Variants in TMEM267 observed in about 807,000 individuals in gnomAD.
TMEM267 encodes the protein transmembrane protein 267, also known as transmembrane protein C5orf28.
In TMEM267, 20 loss-of-function variants were observed where a neutral mutation model predicts 19.3. The ratio of observed to expected loss-of-function variants is 1.04; its 90% CI spans 0.73 to 1.51. TMEM267 has a LOEUF of 1.51. Among genes scored for constraint, TMEM267 ranks in the 40% most tolerant of loss-of-function variants. TMEM267 has a pLI of 0.00. For synonymous variants in TMEM267, 88 were observed against 90.3 expected (o/e 0.97, Z 0.15); for missense variants, 242 against 261.9 (o/e 0.92, Z 0.52).
intron 2 of TMEM267, among the ~76,000 whole-genome samples, chr5:43,451,471 A>C (rs1463662032): frequency 6.6e-6 from 1 of 152,218 alleles, no homozygotes; most frequent in Non-Finnish European, 1.5e-5. Flanking sequence ...AAAAGAAGAC[A>C]CAGAAGCAGC....
chr5:43,469,590 TG>T (rs1169061334), intron 1 of TMEM267, among the ~76,000 whole-genome samples: 6 of 152,304 alleles, frequency 3.9e-5, no homozygotes, highest in Admixed American at 3.9e-4. Context: ...TAAAAATAAC[TG>T]GGTATGGAAG....
At chr5:43,473,125 G>A (rs1273807311) in intron 1 of TMEM267, among the ~76,000 whole-genome samples, 5 of 123,540 alleles carry the variant, frequency 4.0e-5, no homozygotes, top group Non-Finnish European at 8.0e-5. Context: ...ACTACAGAGC[G>A]AGACTCCGTG....
intron 1 of TMEM267, among the ~76,000 whole-genome samples, chr5:43,472,995 G>A (rs532845697): frequency 1.0e-3 from 152 of 151,906 alleles, no homozygotes; most frequent in African/African-American, 3.3e-3. Context: ...AAAATTAGCC[G>A]GGTGTGGTGG....
rs1196155944 is a variant in TMEM267, at chr5:43,465,543, A to G, written c.-74-11500T>C. Among the ~76,000 whole-genome samples, 3 of 152,330 alleles carry G rather than the reference A, an allele frequency of 2.0e-5. No homozygotes were observed. In the East Asian group the frequency reaches 5.8e-4, roughly 29 times the overall value. Reference sequence around the variant, plus strand: ...TGCGGCACTATTCACAATAGCAAAGACTTGGAACCAACCCAAATGTCCAAC... The same window carrying G: ...TGCGGCACTATTCACAATAGCAAAGGCTTGGAACCAACCCAAATGTCCAAC... On this transcript the variant is annotated intron_variant, in intron 1 of 2. Transcript: ENST00000397080.
At chr5:43,465,557 C>G (rs999773439) in intron 1 of TMEM267, among the ~76,000 whole-genome samples, 14 of 152,142 alleles carry the variant, frequency 9.2e-5, no homozygotes, top group Non-Finnish European at 1.5e-4. Flanking sequence ...GGAACCAACC[C>G]AAATGTCCAA....
At chr5:43,473,296 G>A (rs1744200424) in intron 1 of TMEM267, among the ~76,000 whole-genome samples, 1 of 152,096 alleles carries the variant, frequency 6.6e-6, no homozygotes, top group Admixed American at 6.5e-5. Context: ...TATTCAATTA[G>A]GGAAAGAGGA....
At chr5:43,463,318 G>C (rs1298034584) in intron 1 of TMEM267, among the ~76,000 whole-genome samples, 4 of 152,094 alleles carry the variant, frequency 2.6e-5, no homozygotes, top group Non-Finnish European at 5.9e-5. Flanking sequence ...ACCAAAAAAG[G>C]TCCAGGACCA....
chr5:43,480,842 G>A (rs763535483), intron 1 of TMEM267, among the ~76,000 whole-genome samples: 1 of 113,064 alleles, frequency 8.8e-6, no homozygotes, highest in African/African-American at 3.7e-5. Context: ...TTGCTCTGTC[G>A]ACCAGGCTGG....
At chr5:43,450,824 T>TG (rs1554031412) in intron 2 of TMEM267, among the ~76,000 whole-genome samples, 2 of 152,154 alleles carry the variant, frequency 1.3e-5, no homozygotes, top group Non-Finnish European at 2.9e-5. Context: ...TTTATTGTTT[T>TG]TTTTGTTTTG....
chr5:43,473,006 C>T (rs1420582145), intron 1 of TMEM267, among the ~76,000 whole-genome samples: 2 of 151,730 alleles, frequency 1.3e-5, no homozygotes, highest in African/African-American at 2.4e-5. Flanking sequence ...GGTGTGGTGG[C>T]GTGCACCTGT....
chr5:43,461,135 C>T (rs1743232967), intron 1 of TMEM267, among the ~76,000 whole-genome samples: 1 of 152,186 alleles, frequency 6.6e-6, no homozygotes, highest in African/African-American at 2.4e-5. Context: ...ATGAGGGCCC[C>T]ATTCCAGGCC....
Position 43,446,153 on chromosome 5 carries a change from A to T in TMEM267, c.*69T>A. ...ACACCTAACTGTATTTTTAAAAATT[A>T]ACTTTAATGTTGGCTACTCTTAATT... On this transcript the variant is annotated 3_prime_UTR_variant, in exon 3 of 3. Transcript: ENST00000397080. 2.1e-6 allele frequency: 2 copies of T among 932,320 alleles called. No individual in the cohort carries two copies. Among genetic ancestry groups the T allele is most frequent in the Non-Finnish European group, 3.3e-6 (2 of 613,440 alleles). The allele number at this position is 932,320 out of a possible 1,614,324, so 57.8% of individuals were successfully genotyped here.
At chr5:43,477,947 G>GT (rs1351937627) in intron 1 of TMEM267, among the ~76,000 whole-genome samples, 3 of 152,196 alleles carry the variant, frequency 2.0e-5, no homozygotes, top group African/African-American at 7.2e-5. Flanking sequence ...TCTACAGTGG[G>GT]TTTGTGGGCG....
chr5:43,453,396 T>C (rs560974378), intron 2 of TMEM267, among the ~76,000 whole-genome samples: 3 of 152,352 alleles, frequency 2.0e-5, no homozygotes, highest in South Asian at 4.1e-4. Flanking sequence ...ACGCATCCTC[T>C]GTAAGCCAGC....
At chr5:43,469,531 G>A (rs187473834) in intron 1 of TMEM267, among the ~76,000 whole-genome samples, 1 of 152,244 alleles carries the variant, frequency 6.6e-6, no homozygotes, top group Admixed American at 6.5e-5. Context: ...TTCAATTGAT[G>A]CTGAAAAAGG....
At chr5:43,457,846 T>A (rs1163942183) in intron 1 of TMEM267, among the ~76,000 whole-genome samples, 1 of 152,206 alleles carries the variant, frequency 6.6e-6, no homozygotes, top group Non-Finnish European at 1.5e-5. Flanking sequence ...TAGTTCATTA[T>A]ATTTTTCTCT....
At chr5:43,482,644 ACT>A (rs1164466155) in intron 1 of TMEM267, among the ~76,000 whole-genome samples, 1 of 152,212 alleles carries the variant, frequency 6.6e-6, no homozygotes, top group African/African-American at 2.4e-5. Context: ...AACTAAAGAT[ACT>A]GTTTGGGATA....
chr5:43,476,809 A>G (rs1374422791), intron 1 of TMEM267, among the ~76,000 whole-genome samples: 4 of 151,898 alleles, frequency 2.6e-5, no homozygotes, highest in Non-Finnish European at 2.9e-5. Context: ...GGAATGATGT[A>G]ATATTTGACC....
chr5:43,455,283 C>T (rs1056589103), intron 1 of TMEM267, among the ~76,000 whole-genome samples: 5 of 151,708 alleles, frequency 3.3e-5, no homozygotes, highest in Admixed American at 2.6e-4. Flanking sequence ...ATTAGCTAGG[C>T]GTGGTGGTGC....
Sources: allele counts gnomAD v4.1 joint callset (sites outside exome capture counted in the v4.1 genomes callset), GRCh38; gene constraint gnomAD v4.1.1; transcripts MANE v1.5; gene names NCBI Gene and HGNC (gene_info 2026-07-23, HGNC 2026-07-21).